The following C3orf22 variants were observed in gnomAD, a reference collection of about 807,000 sequenced individuals.
The protein encoded by C3orf22 is uncharacterized protein C3orf22.
In C3orf22, 7 loss-of-function variants were observed where a neutral mutation model predicts 10.8. The observed-to-expected ratio is 0.65, with a 90% confidence interval of 0.37 to 1.22. The LOEUF is 1.22. Ranked by LOEUF, C3orf22 falls within the 50% of genes most tolerant of loss-of-function variation. C3orf22 has a pLI of 0.02. For synonymous variants in C3orf22, 79 were observed against 78.9 expected (o/e 1.00, Z 0.00); for missense variants, 173 against 177.0 (o/e 0.98, Z 0.13).
downstream of C3orf22, among the ~76,000 whole-genome samples, chr3:126,548,320 G>T (rs1037082175): frequency 2.6e-5 from 4 of 152,224 alleles, no homozygotes; most frequent in Non-Finnish European, 5.9e-5. Context: ...TTTAAGTGGG[G>T]AGAAAGATGT....
rs143498893 is a variant in C3orf22, at chr3:126,537,297, G to A, written c.287-7925C>T. Among the ~76,000 whole-genome samples, 691 of 152,342 alleles carry A rather than the reference G, an allele frequency of 4.5e-3. 4 individuals are homozygous for A. Among genetic ancestry groups the A allele is most frequent in the African/African-American group, 0.015 (607 of 41,584 alleles). On this transcript the variant is annotated intron_variant and NMD_transcript_variant, in intron 4 of 5. Coordinates refer to the C3orf22 transcript ENST00000505070. ...TGTGCCAAAGGCCTGGCGGGGAGTGGAGGACAGGAGAGGGAGCACAAGGGG... is the reference window on the plus strand; with the variant it reads ...TGTGCCAAAGGCCTGGCGGGGAGTGAAGGACAGGAGAGGGAGCACAAGGGG...
At chr3:126,536,265 C>A in intron 4 of C3orf22, 1 of 1,613,070 alleles carries the variant, frequency 6.2e-7, no homozygotes, top group Non-Finnish European at 8.5e-7. Flanking sequence ...CTCCTTATGC[C>A]CACAGCATTT....
In C3orf22 at chr3:126,533,703, C is replaced by T. The variant is rs536253348; in HGVS notation, c.287-4331G>A. On this transcript the variant is annotated intron_variant and NMD_transcript_variant, in intron 4 of 5. Coordinates refer to the C3orf22 transcript ENST00000505070. ...TTCCCTTTTCTTGTGATGTCTTTGT[C>T]TGGTTTGGTCATCTAGATAATACTG... 9.9e-5 allele frequency among the ~76,000 whole-genome samples: 15 copies of T among 152,128 alleles called. No individual in the cohort carries two copies. The South Asian group carries it at 3.1e-3, about 32-fold the overall frequency.
downstream of C3orf22, among the ~76,000 whole-genome samples, chr3:126,546,068 G>A (rs140230452): frequency 1.3e-5 from 2 of 152,266 alleles, no homozygotes; most frequent in African/African-American, 4.8e-5. Context: ...CCTGAACCTA[G>A]CCCACTGTAT....
chr3:126,541,986 C>G (rs200175838), intron 4 of C3orf22: 1 of 1,563,752 alleles, frequency 6.4e-7, no homozygotes, highest in East Asian at 2.4e-5. Context: ...GAGGCGCACG[C>G]GCCTGGCCGC....
chr3:126,551,107 T>C (rs1047797811), intron 3 of C3orf22, among the ~76,000 whole-genome samples: 11 of 152,086 alleles, frequency 7.2e-5, no homozygotes, highest in Middle Eastern at 3.4e-3. Context: ...CATGTAAGTC[T>C]GTTCTTTGTG....
chr3:126,549,774 AGGCTGATCCCTTTACTAAAGTCTCTGT>A lies in C3orf22; in HGVS notation c.*67_*93del. On this transcript the variant is annotated 3_prime_UTR_variant, in exon 4 of 4. Coordinates refer to ENST00000318225, the MANE Select transcript of C3orf22 (RefSeq NM_152533.3). ...CACTCCCGGTCTATGATGGCCATGAAGGCTGATCCCTTTACTAAAGTCTCTGTGGCTACTGCCCAGAGCCTGCCAAGG... is the reference window on the plus strand; with the variant it reads ...CACTCCCGGTCTATGATGGCCATGAAGGCTACTGCCCAGAGCCTGCCAAGG... The A allele has an allele frequency of 2.0e-6, 3 of 1,515,138 alleles. No homozygotes were observed. Among genetic ancestry groups the A allele is most frequent in the Non-Finnish European group, 2.7e-6 (3 of 1,131,768 alleles). 93.9% of individuals were successfully genotyped at this position (1,515,138 alleles called of 1,614,324 possible). A position where few individuals can be genotyped will look rare whatever the true frequency, so the allele number is the denominator to read the frequency against.
exon 5 of C3orf22, chr3:126,529,287 C>T (rs1214338758): frequency 1.3e-5 from 17 of 1,282,808 alleles, no homozygotes; most frequent in Admixed American, 6.9e-5. Flanking sequence ...CTGTGTGCAG[C>T]AATCGCATGG....
intron 1 of C3orf22, among the ~76,000 whole-genome samples, chr3:126,554,227 G>A (rs1014164738): frequency 1.3e-5 from 2 of 148,354 alleles, no homozygotes; most frequent in Non-Finnish European, 3.0e-5. Context: ...TGCCCAGGCT[G>A]TACATACATT....
intron 4 of C3orf22, among the ~76,000 whole-genome samples, chr3:126,531,840 G>A (rs1392487478): frequency 1.3e-5 from 2 of 152,164 alleles, no homozygotes; most frequent in Admixed American, 6.5e-5. Context: ...GAATTGCTGG[G>A]TTGCATGGTA....
chr3:126,544,640 GC>G (rs1357827074), intron 4 of C3orf22, among the ~76,000 whole-genome samples: 1 of 152,170 alleles, frequency 6.6e-6, no homozygotes, highest in Non-Finnish European at 1.5e-5. Context: ...CTCCCACACA[GC>G]CCCCGATGGG....
chr3:126,548,206 G>T (rs927214288), downstream of C3orf22, among the ~76,000 whole-genome samples: 1 of 152,184 alleles, frequency 6.6e-6, no homozygotes, highest in African/African-American at 2.4e-5. Flanking sequence ...TGTTGCCCAG[G>T]CTGGTCTCGA....
At chr3:126,551,944 C>T in intron 3 of C3orf22, 53 bp downstream of exon 3, 1 of 1,542,408 alleles carries the variant, frequency 6.5e-7, no homozygotes, top group East Asian at 2.3e-5. Context: ...GACAGAAAGC[C>T]AGGCAGCATG....
At chr3:126,550,562 C>T (rs1937158860) in intron 3 of C3orf22, among the ~76,000 whole-genome samples, 3 of 152,318 alleles carry the variant, frequency 2.0e-5, no homozygotes, top group South Asian at 2.1e-4. Context: ...TGACTGTCTC[C>T]GCAGCTCCCC....
At chr3:126,530,546 C>T (rs572785482) in intron 4 of C3orf22, among the ~76,000 whole-genome samples, 1 of 152,240 alleles carries the variant, frequency 6.6e-6, no homozygotes, top group African/African-American at 2.4e-5. Context: ...GAAAGGGACA[C>T]GTCTCATCTG....
chr3:126,548,732 C>A (rs1937112196), downstream of C3orf22, among the ~76,000 whole-genome samples: 2 of 152,214 alleles, frequency 1.3e-5, no homozygotes, highest in Non-Finnish European at 2.9e-5. Flanking sequence ...TCCCCAAACA[C>A]CACAGATGTG....
intron 4 of C3orf22, among the ~76,000 whole-genome samples, chr3:126,541,122 G>A (rs781018189): frequency 7.2e-5 from 11 of 152,148 alleles, no homozygotes; most frequent in Non-Finnish European, 1.0e-4. Flanking sequence ...CTGCTGGCCC[G>A]CAGCAGGTGC....
chr3:126,553,521 C>T (rs938514841), intron 1 of C3orf22, 91 bp from the exon 2 acceptor site: 47 of 810,764 alleles, frequency 5.8e-5, no homozygotes, highest in Admixed American at 2.2e-4. Flanking sequence ...GGGGTGCCTG[C>T]GGGCCGCCAA....
downstream of C3orf22, among the ~76,000 whole-genome samples, chr3:126,548,610 TGTACTCTATCCCCAGGCAAATGCTGTGA>T (rs1937109517): frequency 6.6e-6 from 1 of 152,222 alleles, no homozygotes; most frequent in Admixed American, 6.5e-5. Flanking sequence ...TGCTGGAAGC[TGTACTCTATCCCCAGGCAAATGCTGTGA>T]GTCCCCTGCC....
Sources: allele counts gnomAD v4.1 joint callset (sites outside exome capture counted in the v4.1 genomes callset), GRCh38; gene constraint gnomAD v4.1.1; transcripts MANE v1.5; gene names NCBI Gene and HGNC (gene_info 2026-07-23, HGNC 2026-07-21).